LINGO2: variants seen among roughly 807,000 people sequenced by gnomAD.
The protein encoded by LINGO2 is leucine rich repeat and Ig domain containing 2, also known as leucine-rich repeat and immunoglobulin-like domain-containing nogo receptor-interacting protein 2.
A neutral mutation model predicts 30.6 loss-of-function variants in LINGO2; 14 were observed. That is an observed-to-expected ratio of 0.46 (90% CI 0.30 to 0.72). The LOEUF is 0.72. Ranked by LOEUF, LINGO2 falls within the 30% of genes least tolerant of loss-of-function variation. The probability of loss-of-function intolerance (pLI) is 0.07; values close to 1 mark genes in which losing one functional copy is unlikely to be tolerated. For missense variants in LINGO2, 729 were observed against 751.7 expected, an observed-to-expected ratio of 0.97 and a Z score of 0.35; for synonymous variants, 317 against 288.5, an observed-to-expected ratio of 1.10 and a Z score of -1.00.
chr9:29,150,519 C>T, the LINGO2 span, among the ~76,000 whole-genome samples: 1 of 152,106 alleles, frequency 6.6e-6, no homozygotes. Context: ...ATCCAGGTAA[C>T]CCAGTGAAAC....
At chr9:28,166,601 GATTT>G (rs1828433481) in intron 4 of LINGO2, among the ~76,000 whole-genome samples, 1 of 152,028 alleles carries the variant, frequency 6.6e-6, no homozygotes, top group Non-Finnish European at 1.5e-5. Context: ...TGCACAAAAA[GATTT>G]TTTTAATTTA....
At chr9:28,942,501 T>C in the LINGO2 span, among the ~76,000 whole-genome samples, 10 of 152,252 alleles carry the variant, frequency 6.6e-5, no homozygotes, top group Non-Finnish European at 1.5e-5. Context: ...TGGGTGTGAA[T>C]CTCTGTCCCT....
chr9:28,140,355 G>A (rs566973750), intron 4 of LINGO2, among the ~76,000 whole-genome samples: 1 of 152,300 alleles, frequency 6.6e-6, no homozygotes, highest in African/African-American at 2.4e-5. Context: ...AAATGTATAT[G>A]ATTGACATTC....
chr9:28,232,774 C>T (rs1821404153), intron 4 of LINGO2, among the ~76,000 whole-genome samples: 5 of 151,732 alleles, frequency 3.3e-5, no homozygotes, highest in Admixed American at 3.3e-4. Flanking sequence ...CCCTCACTCC[C>T]CATGCCCTGC....
chr9:28,296,331 T>G (rs911066037), intron 3 of LINGO2, among the ~76,000 whole-genome samples: 1 of 152,136 alleles, frequency 6.6e-6, no homozygotes, highest in Non-Finnish European at 1.5e-5. Context: ...TTTTTATAAC[T>G]ATAACAACCA....
At chr9:28,695,050 C>A in the LINGO2 span, among the ~76,000 whole-genome samples, 1 of 78,116 alleles carries the variant, frequency 1.3e-5, no homozygotes, top group Non-Finnish European at 2.4e-5. Context: ...ATCTCTAATA[C>A]AAACAAACAA....
chr9:28,479,910 GGTATATATATATA>G (rs1564228287), intron 1 of LINGO2, among the ~76,000 whole-genome samples: 39 of 17,250 alleles, frequency 2.3e-3, no homozygotes, highest in African/African-American at 6.2e-3. Flanking sequence ...TATATACGTA[GGTATATATATATA>G]TATATATATA....
the LINGO2 span, among the ~76,000 whole-genome samples, chr9:28,992,964 C>A: frequency 6.6e-6 from 1 of 151,014 alleles, no homozygotes; most frequent in East Asian, 1.9e-4. Context: ...ACTAGAAAAG[C>A]AAGAGCAAAC....
chr9:28,181,551 C>T (rs984446376), intron 4 of LINGO2, among the ~76,000 whole-genome samples: 1 of 152,050 alleles, frequency 6.6e-6, no homozygotes, highest in Non-Finnish European at 1.5e-5. Flanking sequence ...GTTAATAAAC[C>T]CTTCCAATGA....
the LINGO2 span, among the ~76,000 whole-genome samples, chr9:28,851,394 C>G: frequency 2.0e-5 from 3 of 152,068 alleles, no homozygotes; most frequent in South Asian, 4.1e-4. Context: ...GGTTCTATCT[C>G]TTCTGGTCCT....
At chr9:28,711,532 G>T in the LINGO2 span, among the ~76,000 whole-genome samples, 1 of 152,024 alleles carries the variant, frequency 6.6e-6, no homozygotes, top group East Asian at 1.9e-4. Flanking sequence ...AGGTGAGCAA[G>T]GTTTTCAAAA....
At chr9:27,958,011 C>A (rs1387388327) in intron 5 of LINGO2, among the ~76,000 whole-genome samples, 1 of 152,298 alleles carries the variant, frequency 6.6e-6, no homozygotes, top group African/African-American at 2.4e-5. Flanking sequence ...GTGCTGAGAG[C>A]TATCTTCCTT....
intron 4 of LINGO2, among the ~76,000 whole-genome samples, chr9:28,185,910 G>T (rs995103543): frequency 2.6e-5 from 4 of 151,908 alleles, no homozygotes; most frequent in Admixed American, 2.0e-4. Context: ...AATGTAAAGG[G>T]GATAAAAGGC....
intron 2 of LINGO2, among the ~76,000 whole-genome samples, chr9:28,406,043 C>A (rs940718299): frequency 1.3e-5 from 2 of 152,168 alleles, no homozygotes; most frequent in African/African-American, 4.8e-5. Flanking sequence ...CCAATGCATT[C>A]ATATTTTTCT....
the LINGO2 span, among the ~76,000 whole-genome samples, chr9:29,093,216 AG>A: frequency 8.2e-5 from 11 of 133,760 alleles, 3 homozygotes; most frequent in Middle Eastern, 8.3e-3. Flanking sequence ...TATTCCCTGT[AG>A]AAACAACTCA....
intron 3 of LINGO2, among the ~76,000 whole-genome samples, chr9:28,363,379 G>A (rs114430256): frequency 8.7e-4 from 133 of 152,310 alleles, no homozygotes; most frequent in African/African-American, 3.0e-3. Context: ...CTAAGCAATC[G>A]TTTATCAGGA....
At chr9:29,107,082 T>A in the LINGO2 span, among the ~76,000 whole-genome samples, 1 of 152,318 alleles carries the variant, frequency 6.6e-6, no homozygotes, top group African/African-American at 2.4e-5. Context: ...TGTAATACTA[T>A]CTTAATCACT....
the LINGO2 span, among the ~76,000 whole-genome samples, chr9:28,949,986 G>A: frequency 1.4e-3 from 216 of 151,152 alleles, 2 homozygotes; most frequent in African/African-American, 5.0e-3. Context: ...GTCAATAAGC[G>A]TAATCCATCA....
intron 4 of LINGO2, among the ~76,000 whole-genome samples, chr9:28,157,934 A>G (rs1339693281): frequency 6.6e-6 from 1 of 152,176 alleles, no homozygotes; most frequent in Non-Finnish European, 1.5e-5. Flanking sequence ...ACATGTCTCT[A>G]GGGAGTTCCA....
Sources: gnomAD v4.1 joint callset for allele counts (sites outside exome capture counted in the v4.1 genomes callset) on GRCh38, gnomAD v4.1.1 for gene constraint, MANE v1.5 for transcripts, NCBI Gene and HGNC (gene_info 2026-07-23, HGNC 2026-07-21) for gene names.